PTPRM: variants seen among roughly 807,000 people sequenced by gnomAD.
The protein encoded by PTPRM is protein tyrosine phosphatase receptor type M.
A neutral mutation model predicts 186.7 loss-of-function variants in PTPRM; 47 were observed. The ratio of observed to expected loss-of-function variants is 0.25; its 90% CI spans 0.20 to 0.32. The LOEUF is 0.32. Among genes scored for constraint, PTPRM ranks in the 10% least tolerant of loss-of-function variants. The pLI is 1.00. For missense variants in PTPRM, 1,494 were observed against 1,865.0 expected (o/e 0.80, Z 3.66); for synonymous variants, 668 against 674.9 (o/e 0.99, Z 0.16).
intron 7 of PTPRM, among the ~76,000 whole-genome samples, chr18:7,957,775 G>A (rs1039922982): frequency 2.6e-5 from 4 of 152,320 alleles, no homozygotes; most frequent in East Asian, 3.9e-4. Context: ...ATTATGATCA[G>A]TGTGGAATTT....
At chr18:7,836,333 A>C (rs1367431462) in intron 2 of PTPRM, among the ~76,000 whole-genome samples, 1 of 152,190 alleles carries the variant, frequency 6.6e-6, no homozygotes, top group Non-Finnish European at 1.5e-5. Flanking sequence ...TAAGCTGATA[A>C]CAACACTGCA....
chr18:8,342,791 G>C (rs1445863274), intron 22 of PTPRM, among the ~76,000 whole-genome samples: 1 of 152,112 alleles, frequency 6.6e-6, no homozygotes, highest in Non-Finnish European at 1.5e-5. Context: ...TCCAGCCATA[G>C]GAAAGAGCTT....
At chr18:8,246,339 A>T (rs898538608) in intron 15 of PTPRM, among the ~76,000 whole-genome samples, 1 of 152,218 alleles carries the variant, frequency 6.6e-6, no homozygotes, top group African/African-American at 2.4e-5. Context: ...AGGAGAATTT[A>T]AAAATAAGCA....
At chr18:7,824,034 G>T (rs9947733) in intron 2 of PTPRM, among the ~76,000 whole-genome samples, 9,553 of 152,148 alleles carry the variant, frequency 0.063, 776 homozygotes, top group African/African-American at 0.18. Context: ...AAAGGAGTGA[G>T]TGCCCCCTTG....
At chr18:8,014,652 C>A (rs1425592194) in intron 7 of PTPRM, among the ~76,000 whole-genome samples, 1 of 152,124 alleles carries the variant, frequency 6.6e-6, no homozygotes, top group African/African-American at 2.4e-5. Context: ...AAATTGTGTT[C>A]TGTCTGAAAA....
At position 8,384,542 on chromosome 18, in the gene PTPRM, TTA is replaced by T. The variant is rs758897658; in HGVS notation, c.3919-15_3919-14del. 5 of 1,613,844 alleles carry T rather than the reference TTA, an allele frequency of 3.1e-6. No individual in the cohort carries two copies. In the African/African-American group the frequency reaches 5.3e-5, roughly 17 times the overall value. ...TTTCCTCTTATAACTAACCTTGTGTTTATATGTTTTGAATTCAGTTGTGTCCA... is the reference window on the plus strand; with the variant it reads ...TTTCCTCTTATAACTAACCTTGTGTTTATGTTTTGAATTCAGTTGTGTCCA... On this transcript the variant is annotated splice_polypyrimidine_tract_variant and intron_variant, in intron 29 of 32. Coordinates refer to ENST00000580170, the MANE Select transcript of PTPRM (RefSeq NM_001105244.2).
intron 2 of PTPRM, among the ~76,000 whole-genome samples, chr18:7,793,898 A>G (rs562226086): frequency 4.3e-4 from 65 of 152,244 alleles, no homozygotes; most frequent in African/African-American, 1.4e-3. Context: ...GTGGAGGAAG[A>G]CATAAGGGGC....
intron 1 of PTPRM, among the ~76,000 whole-genome samples, chr18:7,643,490 C>T (rs572353604): frequency 2.0e-5 from 3 of 152,084 alleles, no homozygotes; most frequent in Non-Finnish European, 4.4e-5. Flanking sequence ...CAGGTGCCAG[C>T]CACCATGCCT....
chr18:8,045,184 TA>T (rs1178931234), intron 7 of PTPRM, among the ~76,000 whole-genome samples: 2 of 152,012 alleles, frequency 1.3e-5, no homozygotes, highest in African/African-American at 4.8e-5. Flanking sequence ...CCATCTCTAA[TA>T]AAAAATACAA....
intron 27 of PTPRM, 112 bp from the exon 28 acceptor site, chr18:8,379,055 A>G: frequency 1.2e-6 from 1 of 813,996 alleles, no homozygotes; most frequent in Non-Finnish European, 1.8e-6. Context: ...GGGAGGGGGA[A>G]GGGACCGTCT....
chr18:8,032,358 G>A (rs774217386), intron 7 of PTPRM, among the ~76,000 whole-genome samples: 3 of 152,006 alleles, frequency 2.0e-5, no homozygotes, highest in African/African-American at 4.8e-5. Context: ...CCAACATAAC[G>A]TTTCCTCTTA....
chr18:8,087,752 C>A (rs1262141218), intron 10 of PTPRM, among the ~76,000 whole-genome samples: 1 of 151,962 alleles, frequency 6.6e-6, no homozygotes, highest in Non-Finnish European at 1.5e-5. Context: ...CAGAAGTAAC[C>A]CATATCTGTT....
intron 4 of PTPRM, among the ~76,000 whole-genome samples, chr18:7,925,491 T>C (rs903921322): frequency 4.6e-5 from 7 of 152,202 alleles, no homozygotes; most frequent in African/African-American, 1.4e-4. Context: ...CCCAGGCTAA[T>C]ATGAGCACTA....
chr18:7,656,621 A>G (rs2038855616), intron 1 of PTPRM, among the ~76,000 whole-genome samples: 1 of 152,168 alleles, frequency 6.6e-6, no homozygotes, highest in Admixed American at 6.5e-5. Flanking sequence ...GTGGTTGGGG[A>G]TGGTGGAGAG....
intron 32 of PTPRM, among the ~76,000 whole-genome samples, chr18:8,401,366 G>A (rs1369213630): frequency 3.9e-5 from 6 of 152,190 alleles, no homozygotes; most frequent in African/African-American, 1.2e-4. Context: ...CTGCTGTCTC[G>A]CTGAGCAGGG....
Position 7,756,382 on chromosome 18 carries a change from C to G in PTPRM, c.74-17767C>G, listed in dbSNP as rs571679589. On this transcript the variant is annotated intron_variant, in intron 1 of 32. Coordinates refer to ENST00000580170, the MANE Select transcript of PTPRM (RefSeq NM_001105244.2). Reference sequence around the variant, plus strand: ...GTTTGTAAAGGATTGATTTGTTTGGCAGAATTATCCATAGTTGATTCTGGG... The same window carrying G: ...GTTTGTAAAGGATTGATTTGTTTGGGAGAATTATCCATAGTTGATTCTGGG... Among the ~76,000 whole-genome samples the G allele has an allele frequency of 1.1e-4, 16 of 152,276 alleles. No homozygotes were observed. In the South Asian group the frequency reaches 3.3e-3, roughly 32 times the overall value.
At chr18:8,062,689 A>G (rs1201365563) in intron 7 of PTPRM, among the ~76,000 whole-genome samples, 1 of 57,160 alleles carries the variant, frequency 1.7e-5, no homozygotes, top group Non-Finnish European at 3.4e-5. Context: ...CAGGACCCTC[A>G]GCTGCAGGTC....
intron 14 of PTPRM, among the ~76,000 whole-genome samples, chr18:8,145,563 A>G (rs944333571): frequency 6.6e-6 from 1 of 152,156 alleles, no homozygotes; most frequent in African/African-American, 2.4e-5. Flanking sequence ...ATGAATGAGA[A>G]CATGCAGTGT....
intron 4 of PTPRM, among the ~76,000 whole-genome samples, chr18:7,906,824 A>G (rs1038527261): frequency 2.6e-5 from 4 of 152,340 alleles, no homozygotes; most frequent in East Asian, 3.9e-4. Context: ...ATTCTTTGGC[A>G]TGCTCAGACA....
Sources: gnomAD v4.1 joint callset for allele counts (sites outside exome capture counted in the v4.1 genomes callset) on GRCh38, gnomAD v4.1.1 for gene constraint, MANE v1.5 for transcripts, NCBI Gene and HGNC (gene_info 2026-07-23, HGNC 2026-07-21) for gene names.